Variants in DIP2C observed in about 807,000 individuals in gnomAD.
The protein encoded by DIP2C is DIP2 acetate--CoA ligase C (putative).
In DIP2C, 33 loss-of-function variants were observed where a neutral mutation model predicts 192.4. That is an observed-to-expected ratio of 0.17 (90% CI 0.13 to 0.23). DIP2C has a LOEUF of 0.23. DIP2C is among the 10% of genes least tolerant of loss of function. The probability of loss-of-function intolerance (pLI) is 1.00; values close to 1 mark genes in which losing one functional copy is unlikely to be tolerated. For missense variants in DIP2C, 1,537 were observed against 2,110.1 expected, an observed-to-expected ratio of 0.73 and a Z score of 5.32; for synonymous variants, 979 against 864.1, an observed-to-expected ratio of 1.13 and a Z score of -2.33.
At chr10:586,003 C>CA (rs1393627817) in intron 1 of DIP2C, among the ~76,000 whole-genome samples, 2 of 152,300 alleles carry the variant, frequency 1.3e-5, no homozygotes, top group Middle Eastern at 3.4e-3. Context: ...CAACGGGCCT[C>CA]AAGGAGACAC....
chr10:625,734 T>G (rs1453565746), intron 1 of DIP2C, among the ~76,000 whole-genome samples: 1 of 152,190 alleles, frequency 6.6e-6, no homozygotes, highest in Non-Finnish European at 1.5e-5. Context: ...CCTGGAAAAC[T>G]GCGTGAACCT....
At chr10:353,770 C>T (rs898684860) in intron 24 of DIP2C, among the ~76,000 whole-genome samples, 5 of 152,178 alleles carry the variant, frequency 3.3e-5, no homozygotes, top group Admixed American at 1.3e-4. Context: ...ATGGAAGCAG[C>T]GGCTGGGGGG....
intron 35 of DIP2C, 67 bp from the exon 36 acceptor site, chr10:281,390 T>A: frequency 5.6e-5 from 76 of 1,351,842 alleles, no homozygotes; most frequent in East Asian, 1.5e-4. Context: ...CTTCTTTTCT[T>A]AAAAAAAGAT....
At chr10:379,397 C>CA (rs1435359983) in intron 17 of DIP2C, among the ~76,000 whole-genome samples, 1 of 152,184 alleles carries the variant, frequency 6.6e-6, no homozygotes, top group African/African-American at 2.4e-5. Context: ...TTTTGCATGA[C>CA]AGACATTCTA....
intron 2 of DIP2C, among the ~76,000 whole-genome samples, chr10:473,197 T>C (rs117102451): frequency 1.4e-3 from 220 of 152,300 alleles, no homozygotes; most frequent in Non-Finnish European, 2.4e-3. Context: ...GGTCAAAACA[T>C]TGATGTGAAT....
intron 1 of DIP2C, among the ~76,000 whole-genome samples, chr10:673,010 C>T (rs1830723040): frequency 6.6e-6 from 1 of 152,188 alleles, no homozygotes; most frequent in Admixed American, 6.5e-5. Context: ...CTAAAGGTTC[C>T]CAGCTAAGGA....
At chr10:323,344 C>CG (rs199959257) in intron 31 of DIP2C, among the ~76,000 whole-genome samples, 2 of 99,512 alleles carry the variant, frequency 2.0e-5, no homozygotes, top group Admixed American at 9.7e-5. Flanking sequence ...GTCGGGGGTG[C>CG]GGGGCTCCAG....
chr10:549,485 A>AC (rs1449289735), intron 1 of DIP2C, among the ~76,000 whole-genome samples: 1 of 152,136 alleles, frequency 6.6e-6, no homozygotes, highest in Non-Finnish European at 1.5e-5. Context: ...AATGAGCTTC[A>AC]CCAACACCCC....
chr10:508,286 G>A (rs1041393268), intron 1 of DIP2C, among the ~76,000 whole-genome samples: 23 of 152,174 alleles, frequency 1.5e-4, no homozygotes, highest in African/African-American at 5.1e-4. Flanking sequence ...CTCCAGAGCA[G>A]CATCTCCGGT....
At chr10:368,272 G>C (rs535430247) in intron 18 of DIP2C, among the ~76,000 whole-genome samples, 1 of 152,372 alleles carries the variant, frequency 6.6e-6, no homozygotes, top group South Asian at 2.1e-4. Context: ...ACAGGGGCCT[G>C]GGAAGCCCGC....
At chr10:281,106 A>G (rs1197356127) in intron 36 of DIP2C, 94 bp downstream of exon 36, 2 of 1,549,092 alleles carry the variant, frequency 1.3e-6, no homozygotes, top group Non-Finnish European at 1.8e-6. Flanking sequence ...CCCTACCTTA[A>G]CAAAACTCTC....
chr10:317,442 A>G (rs539892759), intron 31 of DIP2C, among the ~76,000 whole-genome samples: 2 of 152,360 alleles, frequency 1.3e-5, no homozygotes, highest in South Asian at 4.1e-4. Flanking sequence ...CTGACACTTT[A>G]GAGAGAGGGC....
chr10:370,390 C>T (rs1960816365), intron 17 of DIP2C, among the ~76,000 whole-genome samples: 1 of 152,200 alleles, frequency 6.6e-6, no homozygotes, highest in Admixed American at 6.5e-5. Flanking sequence ...CTACCCAGGA[C>T]GTTCCTCCGG....
Position 575,206 on chromosome 10 carries a change from T to C in DIP2C, c.86-88676A>G, listed in dbSNP as rs141275783. Among the ~76,000 whole-genome samples the C allele has an allele frequency of 2.0e-4, 30 of 152,344 alleles. No individual in the cohort carries two copies. In the East Asian group the frequency reaches 4.4e-3, roughly 23 times the overall value. On this transcript the variant is annotated intron_variant, in intron 1 of 36. Coordinates refer to ENST00000280886, the MANE Select transcript of DIP2C (RefSeq NM_014974.3). Reference sequence around the variant, plus strand: ...TTCCATGCTAATCTGAAACATGGAATTATTAATACTTAGAAGACAAAGTTT... The same window carrying C: ...TTCCATGCTAATCTGAAACATGGAACTATTAATACTTAGAAGACAAAGTTT...
At chr10:565,336 G>GAA (rs1849402467) in intron 1 of DIP2C, among the ~76,000 whole-genome samples, 2 of 125,198 alleles carry the variant, frequency 1.6e-5, no homozygotes, top group African/African-American at 7.7e-5. Context: ...CTAAAAATAT[G>GAA]AAACAGTACC....
chr10:372,805 C>CGGCT (rs1961145330), intron 17 of DIP2C, among the ~76,000 whole-genome samples: 3 of 151,192 alleles, frequency 2.0e-5, no homozygotes, highest in African/African-American at 4.9e-5. Context: ...GGCACACAGG[C>CGGCT]AGGCACAGAA....
chr10:327,982 G>A (rs1308425684), intron 30 of DIP2C, among the ~76,000 whole-genome samples: 1 of 152,204 alleles, frequency 6.6e-6, no homozygotes, highest in African/African-American at 2.4e-5. Flanking sequence ...CGACAGGAAT[G>A]GCTTGTGAAT....
chr10:472,864 G>A (rs1588215486), intron 2 of DIP2C, among the ~76,000 whole-genome samples: 1 of 152,160 alleles, frequency 6.6e-6, no homozygotes, highest in East Asian at 1.9e-4. Flanking sequence ...AGAGCAACAG[G>A]GCCCAAGACA....
chr10:358,055 A>C (rs1230196634), intron 22 of DIP2C, 118 bp from the exon 23 acceptor site: 6 of 658,896 alleles, frequency 9.1e-6, no homozygotes, highest in Non-Finnish European at 1.6e-5. Flanking sequence ...CTGGCTTTGA[A>C]TAAACCTTCT....
Sources: allele counts gnomAD v4.1 joint callset (sites outside exome capture counted in the v4.1 genomes callset), GRCh38; gene constraint gnomAD v4.1.1; transcripts MANE v1.5; gene names NCBI Gene and HGNC (gene_info 2026-07-23, HGNC 2026-07-21).